The following CHIC2 variants were observed in gnomAD, a reference collection of about 807,000 sequenced individuals.
CHIC2 encodes cysteine-rich hydrophobic domain-containing protein 2.
CHIC2 carries 14 observed loss-of-function variants against 25.9 expected under a neutral mutation model. The observed-to-expected ratio is 0.54, with a 90% CI of 0.36 to 0.85. The LOEUF is 0.85. Ranked by LOEUF, CHIC2 falls within the 40% of genes least tolerant of loss-of-function variation. The probability of loss-of-function intolerance (pLI) is 0.01; values close to 1 mark genes in which losing one functional copy is unlikely to be tolerated. For synonymous variants in CHIC2, 70 were observed against 72.0 expected (o/e 0.97, Z 0.14); for missense variants, 146 against 202.0 (o/e 0.72, Z 1.68).
At chr4:54,059,823 G>A (rs1717277762) in intron 1 of CHIC2, 1 of 152,044 alleles carries the variant, frequency 6.6e-6, no homozygotes, top group Admixed American at 6.6e-5. Context: ...ATAATATTCT[G>A]GACACTATAT....
the CHIC2 span, among the ~76,000 whole-genome samples, chr4:54,089,126 T>G: frequency 1.3e-5 from 2 of 152,178 alleles, no homozygotes; most frequent in African/African-American, 4.8e-5. Flanking sequence ...TTTCATCCCT[T>G]GAGACCTCAG....
chr4:54,020,430 G>A (rs1219942840), intron 3 of CHIC2, among the ~76,000 whole-genome samples: 3 of 152,114 alleles, frequency 2.0e-5, no homozygotes, highest in Admixed American at 1.3e-4. Flanking sequence ...GACTCAGCCC[G>A]CCTGCACCCA....
At chr4:54,068,951 G>T (rs1006256149), upstream of CHIC2, among the ~76,000 whole-genome samples, 1 of 152,114 alleles carries the variant, frequency 6.6e-6, no homozygotes, top group Non-Finnish European at 1.5e-5. Context: ...CAGAACTCGG[G>T]GAAACAGGTT....
chr4:54,070,409 TG>T, the CHIC2 span, among the ~76,000 whole-genome samples: 149 of 81,510 alleles, frequency 1.8e-3, no homozygotes, highest in Non-Finnish European at 2.8e-3. Flanking sequence ...TATTTATTTA[TG>T]TATTTATGTA....
intron 5 of CHIC2, among the ~76,000 whole-genome samples, chr4:54,013,582 G>A (rs1399510714): frequency 6.6e-6 from 1 of 152,046 alleles, no homozygotes; most frequent in African/African-American, 2.4e-5. Context: ...ATCAACACAT[G>A]TTCAGGCTAT....
At chr4:54,037,010 A>C (rs1013861856) in intron 3 of CHIC2, among the ~76,000 whole-genome samples, 2 of 152,216 alleles carry the variant, frequency 1.3e-5, no homozygotes, top group Non-Finnish European at 2.9e-5. Context: ...ATTCAGCAAT[A>C]AAAGGGAATG....
chr4:54,030,365 T>C (rs1000862828), intron 3 of CHIC2, among the ~76,000 whole-genome samples: 2 of 151,498 alleles, frequency 1.3e-5, no homozygotes, highest in African/African-American at 4.8e-5. Context: ...AAAAATGTTT[T>C]GTTTTAAATT....
rs777631201 is a variant in CHIC2, at chr4:54,010,073, GTC to G, written c.*20_*21del. On this transcript the variant is annotated 3_prime_UTR_variant, in exon 6 of 6. Coordinates refer to ENST00000263921, the MANE Select transcript of CHIC2 (RefSeq NM_012110.4). ...ATTGGAAAGACAACATACTTGGAAA[GTC>G]TCTATAAATAAAGTAAATGCTAATC... 3.9e-6 allele frequency: 6 copies of G among 1,557,276 alleles called. No homozygotes were observed. Among genetic ancestry groups the G allele is most frequent in the Middle Eastern group, 1.7e-4 (1 of 5,928 alleles).
At chr4:54,032,387 T>A (rs1438159266) in intron 3 of CHIC2, among the ~76,000 whole-genome samples, 1 of 150,678 alleles carries the variant, frequency 6.6e-6, no homozygotes, top group Non-Finnish European at 1.5e-5. Flanking sequence ...TGCCTCAGCC[T>A]GCCGAGTGCC....
chr4:54,037,306 T>C (rs1033973273), intron 3 of CHIC2, among the ~76,000 whole-genome samples: 1 of 151,976 alleles, frequency 6.6e-6, no homozygotes, highest in African/African-American at 2.4e-5. Context: ...TGAGCCATGA[T>C]CATGCCACTG....
intron 1 of CHIC2, among the ~76,000 whole-genome samples, chr4:54,052,454 T>C (rs1474914649): frequency 6.6e-6 from 1 of 152,192 alleles, no homozygotes; most frequent in Non-Finnish European, 1.5e-5. Context: ...ATTTCCTTTA[T>C]TCTAAGACAA....
At chr4:54,032,906 G>A (rs1053540931) in intron 3 of CHIC2, among the ~76,000 whole-genome samples, 6 of 152,240 alleles carry the variant, frequency 3.9e-5, no homozygotes, top group South Asian at 2.1e-4. Flanking sequence ...TGTTGGAGGT[G>A]GGGCCTCGTG....
intron 1 of CHIC2, among the ~76,000 whole-genome samples, chr4:54,056,629 CT>C: frequency 6.6e-6 from 1 of 152,208 alleles, no homozygotes; most frequent in East Asian, 1.9e-4. Context: ...AGTACATTCA[CT>C]TTTTTTATCA....
At chr4:54,024,764 C>A (rs1009742049) in intron 3 of CHIC2, among the ~76,000 whole-genome samples, 5 of 152,148 alleles carry the variant, frequency 3.3e-5, no homozygotes, top group Admixed American at 2.0e-4. Context: ...TGTCCTGGGT[C>A]CTCCCAACTC....
intron 3 of CHIC2, among the ~76,000 whole-genome samples, chr4:54,026,143 C>T (rs1231228637): frequency 1.3e-5 from 2 of 152,124 alleles, no homozygotes; most frequent in African/African-American, 2.4e-5. Context: ...TGATGGAGCT[C>T]GGATCTGAAA....
chr4:54,091,326 C>A, the CHIC2 span, among the ~76,000 whole-genome samples: 2 of 152,156 alleles, frequency 1.3e-5, no homozygotes, highest in African/African-American at 4.8e-5. Flanking sequence ...GCGCCCGTAG[C>A]GCACCCCACC....
At chr4:54,060,208 T>A (rs748118843) in intron 1 of CHIC2, 10 of 151,134 alleles carry the variant, frequency 6.6e-5, no homozygotes, top group Non-Finnish European at 1.0e-4. Flanking sequence ...TCATATTCCA[T>A]CCCAGTGTAG....
chr4:54,047,604 A>G (rs1472678947), intron 3 of CHIC2, among the ~76,000 whole-genome samples: 38 of 141,738 alleles, frequency 2.7e-4, no homozygotes, highest in African/African-American at 9.3e-4. Context: ...AACAATGAGA[A>G]CACATGGACA....
chr4:54,084,185 G>T, the CHIC2 span, among the ~76,000 whole-genome samples: 278 of 152,246 alleles, frequency 1.8e-3, 1 homozygote, highest in African/African-American at 6.5e-3. Context: ...CCAGCCCGGG[G>T]TCTAGTCATC....
Sources: allele counts gnomAD v4.1 joint callset (sites outside exome capture counted in the v4.1 genomes callset), GRCh38; gene constraint gnomAD v4.1.1; transcripts MANE v1.5; gene names NCBI Gene and HGNC (gene_info 2026-07-23, HGNC 2026-07-21).